Variants in SGCZ observed in about 807,000 individuals in gnomAD.
The protein encoded by SGCZ is sarcoglycan zeta, also known as zeta-sarcoglycan.
A neutral mutation model predicts 41.3 loss-of-function variants in SGCZ; 40 were observed. The ratio of observed to expected loss-of-function variants is 0.97; its 90% CI spans 0.75 to 1.26. The LOEUF (loss-of-function observed/expected upper bound fraction) is 1.26, where lower values mean the gene tolerates loss of function less well. Among genes scored for constraint, SGCZ ranks in the 50% most tolerant of loss-of-function variants. The pLI, the probability that SGCZ is intolerant of heterozygous loss-of-function variation, is 0.00. For missense variants in SGCZ, 552 were observed against 369.8 expected, an observed-to-expected ratio of 1.49 and a Z score of -4.04; for synonymous variants, 206 against 137.5, an observed-to-expected ratio of 1.50 and a Z score of -3.49.
intron 1 of SGCZ, among the ~76,000 whole-genome samples, chr8:14,775,651 T>A (rs1287596561): frequency 2.0e-5 from 3 of 152,150 alleles, no homozygotes; most frequent in African/African-American, 7.2e-5. Context: ...TAGAGTTTGG[T>A]TACATAGAGA....
At chr8:14,853,121 C>A (rs540701043) in intron 1 of SGCZ, among the ~76,000 whole-genome samples, 21 of 152,224 alleles carry the variant, frequency 1.4e-4, no homozygotes, top group African/African-American at 5.1e-4. Flanking sequence ...TTAAAGCATG[C>A]ATATAAAACT....
At chr8:15,064,259 AAGC>A (rs1805041224) in intron 1 of SGCZ, among the ~76,000 whole-genome samples, 3 of 152,160 alleles carry the variant, frequency 2.0e-5, no homozygotes, top group African/African-American at 7.2e-5. Context: ...CAAACATATG[AAGC>A]AGAATTCATC....
chr8:14,319,925 G>A (rs1190442168), intron 3 of SGCZ, among the ~76,000 whole-genome samples: 3 of 151,892 alleles, frequency 2.0e-5, no homozygotes, highest in African/African-American at 7.2e-5. Flanking sequence ...ATAAAGACAA[G>A]TTTTATTTTA....
intron 4 of SGCZ, among the ~76,000 whole-genome samples, chr8:14,222,948 A>T (rs1268640435): frequency 1.3e-5 from 2 of 151,640 alleles, no homozygotes; most frequent in Non-Finnish European, 2.9e-5. Context: ...AGTAGCTAAG[A>T]TTACAGGCAC....
Position 14,720,589 on chromosome 8 carries a change from C to T in SGCZ, c.40-165663G>A, listed in dbSNP as rs138152340. 3.9e-3 allele frequency among the ~76,000 whole-genome samples: 591 copies of T among 151,926 alleles called. 5 individuals carry two copies. The highest frequency in any genetic ancestry group is 0.013 in the African/African-American group (528 of 41,314). ...TATTCTTATCCTTATGCAGTGAAGG[C>T]AAACTCTGGCTCACAAGTAAAATCT... On this transcript the variant is annotated intron_variant, in intron 1 of 7. Coordinates refer to ENST00000382080, the MANE Select transcript of SGCZ (RefSeq NM_139167.4).
chr8:14,637,321 T>A (rs75952388), intron 1 of SGCZ, among the ~76,000 whole-genome samples: 8 of 149,036 alleles, frequency 5.4e-5, no homozygotes, highest in South Asian at 2.1e-4. Flanking sequence ...TTTTTTTTTT[T>A]AATTTCAACT....
intron 1 of SGCZ, among the ~76,000 whole-genome samples, chr8:14,767,960 A>G (rs1252212661): frequency 6.6e-6 from 1 of 152,242 alleles, no homozygotes; most frequent in Non-Finnish European, 1.5e-5. Context: ...ATCTTGAGTA[A>G]GAAAATCCAA....
chr8:14,450,243 G>C (rs878905284), intron 2 of SGCZ, among the ~76,000 whole-genome samples: 2 of 152,196 alleles, frequency 1.3e-5, no homozygotes, highest in Admixed American at 6.5e-5. Flanking sequence ...CTGTCAGTGA[G>C]TGCAATTCAT....
chr8:14,096,809 G>C (rs368421698), intron 7 of SGCZ, among the ~76,000 whole-genome samples: 1 of 151,984 alleles, frequency 6.6e-6, no homozygotes, highest in Admixed American at 6.6e-5. Context: ...TTAGGTATTC[G>C]ACTTCTTCCT....
chr8:15,075,115 G>A lies in SGCZ; in HGVS notation c.39+162470C>T, dbSNP rs1585536487. 2.7e-5 allele frequency among the ~76,000 whole-genome samples: 4 copies of A among 149,572 alleles called. No individual in the cohort carries two copies. The East Asian group carries it at 7.8e-4, about 29-fold the overall frequency. ...CTACTTGAAATTAAATTTCACAGTAGCTTATGTAAATAAACATCTTTCTTT... is the reference window on the plus strand; with the variant it reads ...CTACTTGAAATTAAATTTCACAGTAACTTATGTAAATAAACATCTTTCTTT... On this transcript the variant is annotated intron_variant, in intron 1 of 7. Coordinates refer to ENST00000382080, the MANE Select transcript of SGCZ (RefSeq NM_139167.4).
intron 4 of SGCZ, among the ~76,000 whole-genome samples, chr8:14,180,098 G>A (rs1804672814): frequency 6.6e-6 from 1 of 152,150 alleles, no homozygotes; most frequent in South Asian, 2.1e-4. Context: ...GAAGGAGGCA[G>A]AATCCCACCA....
intron 1 of SGCZ, among the ~76,000 whole-genome samples, chr8:14,816,293 G>C (rs897186958): frequency 1.3e-5 from 2 of 152,152 alleles, no homozygotes; most frequent in African/African-American, 4.8e-5. Context: ...CCTGTTCTAT[G>C]CTCTGATGAG....
intron 1 of SGCZ, among the ~76,000 whole-genome samples, chr8:14,800,712 C>T (rs1295105517): frequency 1.3e-5 from 2 of 152,154 alleles, no homozygotes; most frequent in East Asian, 3.9e-4. Flanking sequence ...TTGTAAGTTT[C>T]CTGAGGCCTC....
chr8:14,451,981 T>C (rs1487938492), intron 2 of SGCZ, among the ~76,000 whole-genome samples: 1 of 152,238 alleles, frequency 6.6e-6, no homozygotes, highest in African/African-American at 2.4e-5. Context: ...CTCCTTGTTA[T>C]TTATACAAAT....
In SGCZ at chr8:14,752,132, CAA is replaced by C. The variant is rs56243371; in HGVS notation, c.40-197208_40-197207del. 3.5e-3 allele frequency among the ~76,000 whole-genome samples: 407 copies of C among 117,744 alleles called. 1 individual carries two copies. Among genetic ancestry groups the C allele is most frequent in the East Asian group, 5.1e-3 (18 of 3,556 alleles). The allele number at this position is 117,744 out of a possible 152,430, so 77.2% of individuals were successfully genotyped here. On this transcript the variant is annotated intron_variant, in intron 1 of 7. Transcript: ENST00000382080. Reference sequence around the variant, plus strand: ...ACAAAAGAAAACAAAACAAAAAAGCCAAAAAAAAAAAAAAAAAAAATCATACC... The same window carrying C: ...ACAAAAGAAAACAAAACAAAAAAGCCAAAAAAAAAAAAAAAAAATCATACC...
At chr8:14,472,259 T>C (rs543832004) in intron 2 of SGCZ, among the ~76,000 whole-genome samples, 3 of 152,248 alleles carry the variant, frequency 2.0e-5, no homozygotes, top group Non-Finnish European at 4.4e-5. Flanking sequence ...GTTTAATATC[T>C]TTATTTAAAG....
At chr8:14,594,592 G>A (rs1469671863) in intron 1 of SGCZ, among the ~76,000 whole-genome samples, 2 of 150,392 alleles carry the variant, frequency 1.3e-5, no homozygotes, top group Non-Finnish European at 2.9e-5. Context: ...TATGTCTATG[G>A]TCATGTTATT....
intron 1 of SGCZ, among the ~76,000 whole-genome samples, chr8:14,917,515 C>G (rs1435099655): frequency 6.6e-6 from 1 of 152,014 alleles, no homozygotes; most frequent in Non-Finnish European, 1.5e-5. Flanking sequence ...CAATTGGATT[C>G]TTTATTTGAA....
chr8:15,096,642 T>C (rs1028516326), intron 1 of SGCZ, among the ~76,000 whole-genome samples: 2 of 152,298 alleles, frequency 1.3e-5, no homozygotes, highest in South Asian at 2.1e-4. Context: ...ATTTTACAAA[T>C]TGTAAATATC....
Sources: allele counts gnomAD v4.1 joint callset (sites outside exome capture counted in the v4.1 genomes callset), GRCh38; gene constraint gnomAD v4.1.1; transcripts MANE v1.5; gene names NCBI Gene and HGNC (gene_info 2026-07-23, HGNC 2026-07-21).